The following ZFTRAF1 variants were observed in gnomAD, a reference collection of about 807,000 sequenced individuals.
ZFTRAF1 encodes the protein zinc finger TRAF-type-containing protein 1.
chr8:144,453,628 C>G, the ZFTRAF1 span: 2 of 627,172 alleles, frequency 3.2e-6, no homozygotes, highest in Non-Finnish European at 5.5e-6. Context: ...ACACTGCGAG[C>G]TGCTCAGGAG....
the ZFTRAF1 span, chr8:144,452,361 G>T: frequency 6.5e-7 from 1 of 1,548,874 alleles, no homozygotes. Context: ...CGCCTCACCT[G>T]TGTAGCCAAT....
the ZFTRAF1 span, chr8:144,452,621 G>C: frequency 6.7e-7 from 1 of 1,494,052 alleles, no homozygotes. Flanking sequence ...ACAGGAGGCT[G>C]CAACAAGCTG....
At chr8:144,453,398 C>T in the ZFTRAF1 span, 1 of 1,551,228 alleles carries the variant, frequency 6.4e-7, no homozygotes, top group Non-Finnish European at 8.7e-7. Context: ...GCTCCTCCTT[C>T]AGCCGGGCAT....
At chr8:144,450,324 G>A in the ZFTRAF1 span, 5 of 688,246 alleles carry the variant, frequency 7.3e-6, no homozygotes, top group South Asian at 3.1e-5. Context: ...AGGTGGACAG[G>A]GCAGCGGTGC....
chr8:144,457,377 G>A, the ZFTRAF1 span: 5 of 152,136 alleles, frequency 3.3e-5, no homozygotes, highest in African/African-American at 7.3e-5. Flanking sequence ...GCTTCATTCT[G>A]TGCTGATGAG....
chr8:144,462,140 AG>A, the ZFTRAF1 span: 2 of 356,472 alleles, frequency 5.6e-6, no homozygotes, highest in Non-Finnish European at 1.0e-5. Context: ...CCGCTGGGCG[AG>A]GAAGTGGCTG....
chr8:144,453,105 C>T, the ZFTRAF1 span: 1 of 928,416 alleles, frequency 1.1e-6, no homozygotes, highest in South Asian at 1.6e-5. Context: ...AGGTGGTCCC[C>T]AAGGCCCAGA....
the ZFTRAF1 span, chr8:144,451,258 A>G: frequency 5.6e-5 from 9 of 162,050 alleles, no homozygotes; most frequent in Non-Finnish European, 1.1e-4. Context: ...CGGAGCTGCC[A>G]ATCAGCAGGC....
the ZFTRAF1 span, among the ~76,000 whole-genome samples, chr8:144,461,942 G>T: frequency 6.6e-6 from 1 of 152,146 alleles, no homozygotes; most frequent in Non-Finnish European, 1.5e-5. Flanking sequence ...TCAGTTTGAG[G>T]CTGTGGGTTG....
At chr8:144,453,241 T>G in the ZFTRAF1 span, 1 of 1,550,948 alleles carries the variant, frequency 6.4e-7, no homozygotes. Flanking sequence ...CATTCCTCTT[T>G]CTGGTGCCTC....
chr8:144,460,469 T>C, the ZFTRAF1 span, among the ~76,000 whole-genome samples: 9 of 152,224 alleles, frequency 5.9e-5, no homozygotes, highest in Non-Finnish European at 8.8e-5. Flanking sequence ...ATGTGGCCCA[T>C]CACCACCAGG....
chr8:144,458,146 C>T, the ZFTRAF1 span, among the ~76,000 whole-genome samples: 878 of 152,360 alleles, frequency 5.8e-3, 10 homozygotes, highest in African/African-American at 0.02. Flanking sequence ...TTGTCCAAGG[C>T]CGCACAGCTG....
the ZFTRAF1 span, among the ~76,000 whole-genome samples, chr8:144,460,856 C>T: frequency 6.6e-6 from 1 of 152,108 alleles, no homozygotes; most frequent in Non-Finnish European, 1.5e-5. Flanking sequence ...TTCACTCCAG[C>T]CTGGGTGACA....
At chr8:144,452,313 C>T in the ZFTRAF1 span, 3 of 1,539,052 alleles carry the variant, frequency 1.9e-6, no homozygotes, top group Admixed American at 3.9e-5. Context: ...TGCCAGCCCC[C>T]CAACCCACAC....
the ZFTRAF1 span, chr8:144,453,166 G>T: frequency 1.4e-6 from 2 of 1,473,684 alleles, no homozygotes; most frequent in Non-Finnish European, 1.8e-6. Flanking sequence ...CACCAGGGTG[G>T]GCTCCCAGCA....
the ZFTRAF1 span, among the ~76,000 whole-genome samples, chr8:144,452,908 G>A: frequency 4.6e-5 from 7 of 152,262 alleles, no homozygotes; most frequent in African/African-American, 1.4e-4. Context: ...CATGGGCAGT[G>A]TACCCTCACA....
chr8:144,461,708 C>T, the ZFTRAF1 span, among the ~76,000 whole-genome samples: 2 of 152,176 alleles, frequency 1.3e-5, no homozygotes, highest in Admixed American at 6.5e-5. Context: ...ACAGCAATCC[C>T]CTCTCCTTAC....
the ZFTRAF1 span, chr8:144,456,904 G>A: frequency 6.6e-6 from 1 of 150,388 alleles, no homozygotes; most frequent in African/African-American, 2.5e-5. Context: ...TCACAGAGAT[G>A]ACATCACACT....
the ZFTRAF1 span, chr8:144,449,629 G>A: frequency 1.3e-5 from 2 of 152,268 alleles, no homozygotes; most frequent in Non-Finnish European, 2.9e-5. Flanking sequence ...CTTTTTCCTG[G>A]GAAGAGACAA....
Sources: allele counts gnomAD v4.1 joint callset (sites outside exome capture counted in the v4.1 genomes callset), GRCh38; gene constraint gnomAD v4.1.1; transcripts MANE v1.5; gene names NCBI Gene and HGNC (gene_info 2026-07-23, HGNC 2026-07-21).